Variants in ASAP1 observed in about 807,000 individuals in gnomAD.
The protein encoded by ASAP1 is arf-GAP with SH3 domain, ANK repeat and PH domain-containing protein 1.
ASAP1 carries 43 observed loss-of-function variants against 145.2 expected under a neutral mutation model. The ratio of observed to expected loss-of-function variants is 0.30; its 90% CI spans 0.23 to 0.38. The LOEUF is 0.38. ASAP1 is among the 10% of genes least tolerant of loss of function. ASAP1 has a pLI of 1.00. For synonymous variants in ASAP1, 546 were observed against 515.5 expected, an observed-to-expected ratio of 1.06 and a Z score of -0.80; for missense variants, 1,018 against 1,355.3, an observed-to-expected ratio of 0.75 and a Z score of 3.91.
At chr8:130,129,482 C>T (rs2097580032) in intron 15 of ASAP1, among the ~76,000 whole-genome samples, 2 of 152,030 alleles carry the variant, frequency 1.3e-5, no homozygotes, top group South Asian at 4.1e-4. Flanking sequence ...AGAAAAAAGC[C>T]AAATTTATTT....
rs969462194 is a variant in ASAP1, at chr8:130,053,955, T to G, written c.*776A>C. 6.6e-6 allele frequency: 1 copy of G among 152,646 alleles called. No individual in the cohort carries two copies. The highest frequency in any genetic ancestry group is 1.5e-5 in the Non-Finnish European group (1 of 68,052). 9.5% of individuals were successfully genotyped at this position (152,646 alleles called of 1,614,324 possible). A position where few individuals can be genotyped will look rare whatever the true frequency, so the allele number is the denominator to read the frequency against. On this transcript the variant is annotated 3_prime_UTR_variant, in exon 30 of 30. Coordinates refer to ENST00000518721, the MANE Select transcript of ASAP1 (RefSeq NM_018482.4). ...TGCATGCGTAATGTAGAGGCTAATA[T>G]TTTCTGGCAGTCCTTGGTTCCTGAA...
intron 2 of ASAP1, among the ~76,000 whole-genome samples, chr8:130,382,501 C>T (rs1341493296): frequency 6.6e-6 from 1 of 152,192 alleles, no homozygotes; most frequent in East Asian, 1.9e-4. Context: ...ACCAAACTCA[C>T]TCTGACACAG....
At chr8:130,215,035 G>C (rs1816812699) in intron 4 of ASAP1, among the ~76,000 whole-genome samples, 1 of 151,832 alleles carries the variant, frequency 6.6e-6, no homozygotes, top group Non-Finnish European at 1.5e-5. Flanking sequence ...TGAGTAGCTG[G>C]GATTAAAGAT....
At chr8:130,259,338 A>C (rs1236023475) in intron 3 of ASAP1, among the ~76,000 whole-genome samples, 1 of 152,196 alleles carries the variant, frequency 6.6e-6, no homozygotes, top group African/African-American at 2.4e-5. Context: ...GCTAATAACA[A>C]GTTATTTCTC....
intron 9 of ASAP1, among the ~76,000 whole-genome samples, chr8:130,175,804 G>A (rs915378975): frequency 6.6e-6 from 1 of 152,108 alleles, no homozygotes; most frequent in Non-Finnish European, 1.5e-5. Context: ...TGAGTGTTGG[G>A]AATATTAAAT....
intron 5 of ASAP1, among the ~76,000 whole-genome samples, chr8:130,203,064 T>C (rs888230597): frequency 2.6e-5 from 4 of 151,744 alleles, no homozygotes; most frequent in Non-Finnish European, 5.9e-5. Flanking sequence ...AAATAAATTG[T>C]TGGAGGGCAG....
intron 4 of ASAP1, among the ~76,000 whole-genome samples, chr8:130,228,645 G>A (rs145937658): frequency 6.7e-6 from 1 of 150,370 alleles, no homozygotes; most frequent in South Asian, 2.1e-4. Flanking sequence ...AGGCTGAAGT[G>A]AGCCAAGATC....
At chr8:130,377,701 G>A (rs1827570633) in intron 2 of ASAP1, among the ~76,000 whole-genome samples, 1 of 152,218 alleles carries the variant, frequency 6.6e-6, no homozygotes, top group African/African-American at 2.4e-5. Context: ...GCAAAGGCAT[G>A]TGGTAAAATG....
rs747672872 is a variant in ASAP1 at position 130,124,045 on chromosome 8, G to T, written c.1575C>A (p.Ser525Arg). The change falls in exon 18 of 30, where the codon AGC (serine) becomes AGA (arginine). Residue 525 changes from serine to arginine, a missense_variant. By Grantham distance (110) the Ser-to-Arg change is moderately radical. Coordinates refer to ENST00000518721, the MANE Select transcript of ASAP1 (RefSeq NM_018482.4). ...FNDIMEANLPSPSPKPTPSSD... is the reference protein window; with the variant it reads ...FNDIMEANLPRPSPKPTPSSD... ...TTGAAGGGGTGGGTTTTGGTGAGGG[G>T]CTGGGTAAATTTGCTTCCATAATAT... is the stretch of plus-strand genomic sequence containing the variant. 1.2e-6 allele frequency: 2 copies of T among 1,608,372 alleles called. No homozygotes were observed. Among genetic ancestry groups the T allele is most frequent in the Non-Finnish European group, 1.7e-6 (2 of 1,178,558 alleles).
chr8:130,288,095 G>A (rs1213878804), intron 3 of ASAP1, among the ~76,000 whole-genome samples: 1 of 152,178 alleles, frequency 6.6e-6, no homozygotes, highest in Non-Finnish European at 1.5e-5. Context: ...CCTGGCAGGA[G>A]CTCCAGCTAC....
rs184963899 is a variant in ASAP1 at position 130,081,678 on chromosome 8, C to T, written c.2573-1707G>A. On this transcript the variant is annotated intron_variant, in intron 25 of 29. Transcript: ENST00000518721. ...ATGCTTTTATATTCATCCAGCCTTC[C>T]TTCCTCACAGCATGAGACTGGCATC... Among the ~76,000 whole-genome samples the T allele has an allele frequency of 2.8e-3, 432 of 152,262 alleles. 1 individual carries two copies. Among genetic ancestry groups the T allele is most frequent in the African/African-American group, 0.01 (418 of 41,536 alleles).
At chr8:130,342,924 A>G (rs1257282678) in intron 3 of ASAP1, among the ~76,000 whole-genome samples, 2 of 152,134 alleles carry the variant, frequency 1.3e-5, no homozygotes. Context: ...TTAAGTGGGA[A>G]GCAACCAAAC....
rs1271211154 is a variant in ASAP1, at chr8:130,079,859, T to C, written c.2642+43A>G. The C allele has an allele frequency of 2.6e-6, 4 of 1,562,128 alleles. No homozygotes were observed. In the African/African-American group the frequency reaches 5.4e-5, roughly 21 times the overall value. ...CATTTCTAGAATTCTGTCCATTGCA[T>C]CAATGGATCCAACAGGGGAAATGAA... On this transcript the variant is annotated intron_variant, in intron 26 of 29. Transcript: ENST00000518721.
intron 17 of ASAP1, among the ~76,000 whole-genome samples, chr8:130,125,750 G>C (rs1471125932): frequency 6.6e-6 from 1 of 152,102 alleles, no homozygotes; most frequent in Non-Finnish European, 1.5e-5. Context: ...TTATAGACAT[G>C]TATGATTCAT....
intron 3 of ASAP1, among the ~76,000 whole-genome samples, chr8:130,271,211 C>A (rs1191385332): frequency 1.3e-5 from 2 of 152,176 alleles, no homozygotes; most frequent in African/African-American, 2.4e-5. Flanking sequence ...ACCAGAAGAG[C>A]TATACTAACA....
intron 3 of ASAP1, among the ~76,000 whole-genome samples, chr8:130,333,556 A>G (rs759271508): frequency 9.2e-5 from 14 of 152,328 alleles, no homozygotes; most frequent in Middle Eastern, 3.4e-3. Context: ...GTGAGCCAAG[A>G]TCGTGCCATT....
chr8:130,069,675 T>C (rs1223134888), intron 27 of ASAP1: 1 of 152,206 alleles, frequency 6.6e-6, no homozygotes, highest in East Asian at 1.9e-4. Flanking sequence ...AATACAACAT[T>C]ATCGAAGCTT....
intron 3 of ASAP1, among the ~76,000 whole-genome samples, chr8:130,297,311 T>A (rs1480416786): frequency 6.6e-6 from 1 of 152,114 alleles, no homozygotes; most frequent in Non-Finnish European, 1.5e-5. Context: ...AACCTGAGGG[T>A]ACAGAAAGTC....
In ASAP1 at chr8:130,311,880, A is replaced by G. The variant is rs528598433; in HGVS notation, c.186+46137T>C. ...GATGGTTAAAAATCTACTTTTAAGT[A>G]AACAAAAACAACTCAAAAAAAAATA... On this transcript the variant is annotated intron_variant, in intron 3 of 29. Transcript: ENST00000518721. Among the ~76,000 whole-genome samples the G allele has an allele frequency of 5.3e-5, 8 of 151,930 alleles. No individual in the cohort carries two copies. The East Asian group carries it at 1.5e-3, about 29-fold the overall frequency.
Sources: gnomAD v4.1 joint callset for allele counts (sites outside exome capture counted in the v4.1 genomes callset) on GRCh38, gnomAD v4.1.1 for gene constraint, MANE v1.5 for transcripts, NCBI Gene and HGNC (gene_info 2026-07-23, HGNC 2026-07-21) for gene names.